Variants in LYRM7 observed in about 807,000 individuals in gnomAD.
LYRM7 encodes complex III assembly factor LYRM7.
LYRM7 carries 9 observed loss-of-function variants against 15.8 expected under a neutral mutation model. The ratio of observed to expected loss-of-function variants is 0.57; its 90% CI spans 0.34 to 0.99. The LOEUF is 0.99. LYRM7 is among the 50% of genes least tolerant of loss of function. LYRM7 has a pLI of 0.02. For missense variants in LYRM7, 115 were observed against 119.1 expected (o/e 0.97, Z 0.16); for synonymous variants, 39 against 39.4 (o/e 0.99, Z 0.04).
Position 131,181,296 on chromosome 5 carries a change from A to AT in LYRM7, c.92-933_92-932insT, listed in dbSNP as rs1311167816. On this transcript the variant is annotated intron_variant, in intron 2 of 4. Transcript: ENST00000379380. ...ATCTGAAAAAAAAAAAAAAAAAAAA[A>AT]AAAAAAATATATATATATATACACA... 3.0e-3 allele frequency among the ~76,000 whole-genome samples: 43 copies of AT among 14,440 alleles called. 2 individuals carry two copies. The highest frequency in any genetic ancestry group is 6.1e-3 in the African/African-American group (36 of 5,890). The allele number at this position is 14,440 out of a possible 152,430, so 9.5% of individuals were successfully genotyped here.
Position 131,204,688 on chromosome 5 carries a change from A to G in LYRM7, c.*5087A>G, listed in dbSNP as rs905988728. 2 of 152,054 alleles carry G rather than the reference A, an allele frequency of 1.3e-5. No individual in the cohort carries two copies. The highest frequency in any genetic ancestry group is 4.8e-5 in the African/African-American group (2 of 41,440). The allele number at this position is 152,054 out of a possible 1,614,324, so 9.4% of individuals were successfully genotyped here. Reference sequence around the variant, plus strand: ...ATAATCCAAAATACAAAAAAAAAAAAAAAGAAATCTGAAACACTTCTGATC... The same window carrying G: ...ATAATCCAAAATACAAAAAAAAAAAGAAAGAAATCTGAAACACTTCTGATC... On this transcript the variant is annotated 3_prime_UTR_variant, in exon 5 of 5. Coordinates refer to ENST00000379380, the MANE Select transcript of LYRM7 (RefSeq NM_181705.4).
chr5:131,190,305 C>T (rs1399848391), intron 4 of LYRM7, among the ~76,000 whole-genome samples: 1 of 152,048 alleles, frequency 6.6e-6, no homozygotes, highest in East Asian at 1.9e-4. Flanking sequence ...AAGCAATTCT[C>T]CTGCCTCAGC....
At chr5:131,181,275 GAAAAAAAAAAAAA>G (rs1195878324) in intron 2 of LYRM7, among the ~76,000 whole-genome samples, 988 of 8,340 alleles carry the variant, frequency 0.12, 65 homozygotes, top group Middle Eastern at 0.25. Context: ...GACTCCATCT[GAAAAAAAAAAAAA>G]AAAAAAAAAA....
At position 131,171,016 on chromosome 5, in the gene LYRM7, G is replaced by T; in HGVS notation, c.-5G>T. On this transcript the variant is annotated 5_prime_UTR_variant, in exon 1 of 5. Transcript: ENST00000379380. ...CTGGAGGTAGCGGCCGCGGTGAGGA[G>T]AGCCATGGGACGGGCAGTCAAGGTG... The T allele has an allele frequency of 3.2e-6, 5 of 1,542,616 alleles. No homozygotes were observed. The highest frequency in any genetic ancestry group is 3.5e-6 in the Non-Finnish European group (4 of 1,152,378).
intron 2 of LYRM7, among the ~76,000 whole-genome samples, chr5:131,181,584 T>G (rs1377641160): frequency 6.6e-6 from 1 of 150,658 alleles, no homozygotes; most frequent in Non-Finnish European, 1.5e-5. Flanking sequence ...GGAATAGTTA[T>G]AAGAACAGCT....
chr5:131,179,631 G>A (rs1219996685), intron 1 of LYRM7, among the ~76,000 whole-genome samples: 1 of 151,524 alleles, frequency 6.6e-6, no homozygotes, highest in African/African-American at 2.4e-5. Context: ...ACCATGGCCT[G>A]ACTAATTTTA....
At chr5:131,179,012 T>G (rs1034156849) in intron 1 of LYRM7, among the ~76,000 whole-genome samples, 16 of 151,418 alleles carry the variant, frequency 1.1e-4, no homozygotes, top group African/African-American at 3.9e-4. Flanking sequence ...TTGTCTAAAT[T>G]GTTTAAAACA....
chr5:131,186,392 A>G (rs1755795166), intron 3 of LYRM7, among the ~76,000 whole-genome samples: 1 of 152,238 alleles, frequency 6.6e-6, no homozygotes, highest in Non-Finnish European at 1.5e-5. Context: ...ATAAAAGTTA[A>G]AACTATATGC....
intron 1 of LYRM7, 45 bp downstream of exon 1, chr5:131,171,083 G>T (rs772506492): frequency 1.3e-6 from 2 of 1,488,572 alleles, no homozygotes; most frequent in African/African-American, 1.5e-5. Context: ...GTCGGGGAGG[G>T]TATGTTCGCG....
intron 4 of LYRM7, among the ~76,000 whole-genome samples, chr5:131,190,609 G>A (rs966627516): frequency 2.6e-5 from 4 of 151,610 alleles, no homozygotes; most frequent in African/African-American, 9.7e-5. Context: ...TCCTGCCTCA[G>A]CCCCTCAAGT....
At chr5:131,188,415 A>G (rs1230484123) in intron 4 of LYRM7, among the ~76,000 whole-genome samples, 2 of 151,906 alleles carry the variant, frequency 1.3e-5, no homozygotes, top group African/African-American at 4.8e-5. Flanking sequence ...CATGTAAAAA[A>G]AAAAAAAAAA....
intron 2 of LYRM7, 128 bp from the exon 3 acceptor site, chr5:131,182,101 C>A: frequency 1.2e-6 from 1 of 818,140 alleles, no homozygotes; most frequent in Non-Finnish European, 1.7e-6. Context: ...TATTCTTATG[C>A]TTTGTTTTTC....
chr5:131,196,878 G>A (rs1194565652), intron 4 of LYRM7, among the ~76,000 whole-genome samples: 1 of 151,926 alleles, frequency 6.6e-6, no homozygotes, highest in African/African-American at 2.4e-5. Flanking sequence ...GGCTGGTCTC[G>A]AACTCCTGAC....
chr5:131,181,470 TATATATAACATATATATGTATA>T lies in LYRM7; in HGVS notation c.92-758_92-737del, dbSNP rs1359757246. On this transcript the variant is annotated intron_variant, in intron 2 of 4. Transcript: ENST00000379380. The stretch of plus-strand genomic sequence containing the variant: ...TATATATAAAACATATATATGTATA[TATATATAACATATATATGTATA>T]TATACACACACACAACATAGAAGGA... Among the ~76,000 whole-genome samples the T allele has an allele frequency of 9.2e-3, 1,231 of 133,174 alleles. 16 individuals are homozygous for T. The highest frequency in any genetic ancestry group is 0.031 in the African/African-American group (1,133 of 36,952). 87.4% of individuals were successfully genotyped at this position (133,174 alleles called of 152,430 possible).
chr5:131,173,667 T>A (rs1755557128), intron 1 of LYRM7, among the ~76,000 whole-genome samples: 1 of 152,210 alleles, frequency 6.6e-6, no homozygotes, highest in Non-Finnish European at 1.5e-5. Context: ...CAGAATCCCT[T>A]GAACCCAGGA....
Position 131,205,331 on chromosome 5 carries a change from T to C in LYRM7, c.*5730T>C, listed in dbSNP as rs1756161360. On this transcript the variant is annotated 3_prime_UTR_variant, in exon 5 of 5. Transcript: ENST00000379380. ...GTATTCTGCAACTTTTCATCATACATTAGGTTTTGGCGATTTAGCCATAAT... is the reference window on the plus strand; with the variant it reads ...GTATTCTGCAACTTTTCATCATACACTAGGTTTTGGCGATTTAGCCATAAT... The C allele has an allele frequency of 6.6e-6, 1 of 152,216 alleles. No homozygotes were observed. Among genetic ancestry groups the C allele is most frequent in the Admixed American group, 6.5e-5 (1 of 15,282 alleles). 9.4% of individuals were successfully genotyped at this position (152,216 alleles called of 1,614,324 possible).
chr5:131,189,944 G>A (rs1266324695), intron 4 of LYRM7, among the ~76,000 whole-genome samples: 4 of 151,756 alleles, frequency 2.6e-5, no homozygotes, highest in Non-Finnish European at 4.4e-5. Flanking sequence ...ACTAGCCAGG[G>A]CAACATAGTA....
chr5:131,197,215 C>T (rs957540154), intron 4 of LYRM7, among the ~76,000 whole-genome samples: 1 of 152,114 alleles, frequency 6.6e-6, no homozygotes, highest in African/African-American at 2.4e-5. Flanking sequence ...TATATATTCA[C>T]CTTCATATCT....
At chr5:131,195,954 A>C (rs1755956122) in intron 4 of LYRM7, among the ~76,000 whole-genome samples, 1 of 152,168 alleles carries the variant, frequency 6.6e-6, no homozygotes, top group South Asian at 2.1e-4. Flanking sequence ...TAGCACTGTA[A>C]CCAAACATCC....
Sources: gnomAD v4.1 joint callset for allele counts (sites outside exome capture counted in the v4.1 genomes callset) on GRCh38, gnomAD v4.1.1 for gene constraint, MANE v1.5 for transcripts, NCBI Gene and HGNC (gene_info 2026-07-23, HGNC 2026-07-21) for gene names.